LRP1B: variants seen among roughly 807,000 people sequenced by gnomAD.
The protein encoded by LRP1B is low-density lipoprotein receptor-related protein 1B.
LRP1B carries 217 observed loss-of-function variants against 556.6 expected under a neutral mutation model. That is an observed-to-expected ratio of 0.39 (90% CI 0.35 to 0.44). The LOEUF (loss-of-function observed/expected upper bound fraction) is 0.44, where lower values mean the gene tolerates loss of function less well. Among genes scored for constraint, LRP1B ranks in the 20% least tolerant of loss-of-function variants. LRP1B has a pLI of 1.00. For synonymous variants in LRP1B, 2,047 were observed against 1,865.8 expected (o/e 1.10, Z -2.50); for missense variants, 5,053 against 5,620.8 (o/e 0.90, Z 3.23).
At chr2:140,676,618 A>G (rs1200164806) in intron 41 of LRP1B, among the ~76,000 whole-genome samples, 4 of 152,176 alleles carry the variant, frequency 2.6e-5, no homozygotes, top group Admixed American at 2.6e-4. Flanking sequence ...GTCATTTCAG[A>G]TTAAGAACAG....
chr2:140,910,862 T>C (rs1694399246), intron 21 of LRP1B, among the ~76,000 whole-genome samples: 1 of 151,854 alleles, frequency 6.6e-6, no homozygotes, highest in African/African-American at 2.4e-5. Context: ...TCTAGGGCAA[T>C]GTCAAGAAAT....
intron 1 of LRP1B, among the ~76,000 whole-genome samples, chr2:141,820,574 G>T (rs564922437): frequency 6.6e-5 from 10 of 152,212 alleles, no homozygotes; most frequent in Admixed American, 2.0e-4. Context: ...GGAATGAAAA[G>T]AATTTATATT....
chr2:141,149,289 C>A (rs1471576880), intron 7 of LRP1B, among the ~76,000 whole-genome samples: 1 of 151,826 alleles, frequency 6.6e-6, no homozygotes, highest in East Asian at 1.9e-4. Context: ...TTCCTCTGAC[C>A]ACTATGGCCT....
intron 46 of LRP1B, among the ~76,000 whole-genome samples, chr2:140,534,439 T>A (rs140333843): frequency 6.6e-6 from 1 of 152,116 alleles, no homozygotes; most frequent in African/African-American, 2.4e-5. Context: ...AATAAACATA[T>A]ATCACATATT....
rs144705179 is a variant in LRP1B at position 141,443,681 on chromosome 2, A to T, written c.343+36715T>A. ...GTTTTCTCAACACCATTTATTAAAC[A>T]GGGAATCCTTTCCCCATTGCTTGTT... On this transcript the variant is annotated intron_variant, in intron 3 of 90. Transcript: ENST00000389484. Among the ~76,000 whole-genome samples, 1,222 of 152,276 alleles carry T rather than the reference A, an allele frequency of 8.0e-3. 11 individuals are homozygous for T. The highest frequency in any genetic ancestry group is 0.014 in the Middle Eastern group (4 of 294).
chr2:140,748,279 T>C (rs1688397824), intron 35 of LRP1B, among the ~76,000 whole-genome samples: 1 of 89,168 alleles, frequency 1.1e-5, no homozygotes, highest in Admixed American at 1.2e-4. Context: ...ATTTAATATA[T>C]GTTCATATAT....
chr2:140,428,109 C>T (rs887207580), intron 66 of LRP1B, among the ~76,000 whole-genome samples: 8 of 152,118 alleles, frequency 5.3e-5, no homozygotes, highest in Non-Finnish European at 1.5e-5. Context: ...CAGCCCTAGA[C>T]CCTAAAAGGT....
chr2:140,277,244 T>C (rs1233744218), intron 84 of LRP1B, among the ~76,000 whole-genome samples: 4 of 152,006 alleles, frequency 2.6e-5, no homozygotes, highest in Non-Finnish European at 5.9e-5. Flanking sequence ...TTATCTGCAG[T>C]ATGCTAATTA....
chr2:140,245,600 ATTAATGCTTTTAACGATTG>A (rs1681118787), intron 87 of LRP1B, among the ~76,000 whole-genome samples: 1 of 151,462 alleles, frequency 6.6e-6, no homozygotes, highest in Non-Finnish European at 1.5e-5. Flanking sequence ...GCATTTTTTT[ATTAATGCTTTTAACGATTG>A]TTGAGTTTTG....
At chr2:141,007,779 A>T (rs930402527) in intron 14 of LRP1B, among the ~76,000 whole-genome samples, 1 of 151,792 alleles carries the variant, frequency 6.6e-6, no homozygotes, top group Non-Finnish European at 1.5e-5. Flanking sequence ...GCTAAATATC[A>T]TACTCCTTAA....
rs567734678 is a variant in LRP1B, at chr2:141,981,019, T to A, written c.82+149629A>T. Among the ~76,000 whole-genome samples the A allele has an allele frequency of 2.0e-5, 3 of 152,204 alleles. No homozygotes were observed. In the South Asian group the frequency reaches 6.2e-4, roughly 32 times the overall value. ...TATCTTACATTCTCCAAATATTTTA[T>A]AAAATAAAAGTTGGAAATATCTATT... On this transcript the variant is annotated intron_variant, in intron 1 of 90. Coordinates refer to ENST00000389484, the MANE Select transcript of LRP1B (RefSeq NM_018557.3).
chr2:141,986,141 A>T (rs1230086965), intron 1 of LRP1B, among the ~76,000 whole-genome samples: 1 of 151,936 alleles, frequency 6.6e-6, no homozygotes, highest in Non-Finnish European at 1.5e-5. Flanking sequence ...ATGTTTTTTC[A>T]TCTTTAAAAG....
intron 66 of LRP1B, among the ~76,000 whole-genome samples, chr2:140,433,617 C>T (rs1360850921): frequency 1.3e-5 from 2 of 152,094 alleles, no homozygotes; most frequent in Admixed American, 6.5e-5. Flanking sequence ...AACAAAATGA[C>T]TAATAACAAA....
At chr2:140,456,628 C>T in intron 61 of LRP1B, 25 bp from the exon 62 acceptor site, 3 of 1,595,342 alleles carry the variant, frequency 1.9e-6, no homozygotes, top group Non-Finnish European at 2.6e-6. Context: ...GAAACAACAA[C>T]AACAAAACAG....
intron 73 of LRP1B, 38 bp from the exon 74 acceptor site, chr2:140,358,154 A>C (rs1384918654): frequency 6.3e-7 from 1 of 1,587,446 alleles, no homozygotes; most frequent in African/African-American, 1.3e-5. Context: ...TGCTTCACAG[A>C]ATCAAAACAC....
At chr2:140,334,881 A>G (rs1680989777) in intron 78 of LRP1B, among the ~76,000 whole-genome samples, 1 of 151,994 alleles carries the variant, frequency 6.6e-6, no homozygotes, top group South Asian at 2.1e-4. Context: ...CACCACATGA[A>G]ACTCCCCTTT....
chr2:142,050,156 T>C (rs921036142), intron 1 of LRP1B, among the ~76,000 whole-genome samples: 29 of 152,184 alleles, frequency 1.9e-4, no homozygotes, highest in African/African-American at 7.0e-4. Flanking sequence ...TGTGCATATA[T>C]GTAATACATA....
At chr2:141,754,722 T>C (rs993457759) in intron 2 of LRP1B, among the ~76,000 whole-genome samples, 12 of 152,144 alleles carry the variant, frequency 7.9e-5, no homozygotes, top group African/African-American at 2.7e-4. Context: ...GTGACCAAAT[T>C]GGACTAGACG....
chr2:142,047,534 T>A (rs1280022126), intron 1 of LRP1B, among the ~76,000 whole-genome samples: 3 of 151,856 alleles, frequency 2.0e-5, no homozygotes, highest in African/African-American at 4.8e-5. Flanking sequence ...GTTTTTTTTT[T>A]AAAGATTTAA....
Sources: gnomAD v4.1 joint callset for allele counts (sites outside exome capture counted in the v4.1 genomes callset) on GRCh38, gnomAD v4.1.1 for gene constraint, MANE v1.5 for transcripts, NCBI Gene and HGNC (gene_info 2026-07-23, HGNC 2026-07-21) for gene names.